Variants in LDAH observed in about 807,000 individuals in gnomAD.
The protein encoded by LDAH is lipid droplet-associated hydrolase.
A neutral mutation model predicts 29.6 loss-of-function variants in LDAH; 26 were observed. That is an observed-to-expected ratio of 0.88 (90% CI 0.64 to 1.22). The LOEUF is 1.22. LDAH is among the 50% of genes most tolerant of loss of function. The pLI is 0.00. For missense variants in LDAH, 344 were observed against 387.3 expected (o/e 0.89, Z 0.94); for synonymous variants, 117 against 133.0 (o/e 0.88, Z 0.83).
At chr2:20,810,241 T>C (rs1469162793) in intron 1 of LDAH, among the ~76,000 whole-genome samples, 1 of 152,208 alleles carries the variant, frequency 6.6e-6, no homozygotes, top group Non-Finnish European at 1.5e-5. Flanking sequence ...TGTTGTCACA[T>C]AGGCTGTTGG....
intron 2 of LDAH, among the ~76,000 whole-genome samples, chr2:20,796,352 G>A (rs1177530090): frequency 1.3e-5 from 2 of 152,158 alleles, no homozygotes; most frequent in Non-Finnish European, 2.9e-5. Flanking sequence ...GTGGGGAAGT[G>A]GGTGGGTTGT....
chr2:20,819,968 T>C (rs1219079609), intron 1 of LDAH, among the ~76,000 whole-genome samples: 1 of 151,910 alleles, frequency 6.6e-6, no homozygotes, highest in East Asian at 1.9e-4. Flanking sequence ...TATACACCAA[T>C]AACAGACAAA....
intron 2 of LDAH, among the ~76,000 whole-genome samples, chr2:20,793,949 C>T (rs902932168): frequency 1.3e-5 from 2 of 152,122 alleles, no homozygotes; most frequent in African/African-American, 4.8e-5. Flanking sequence ...AAGAAAAATG[C>T]CCAGTGTATA....
chr2:20,796,703 C>A (rs1219704929), intron 2 of LDAH, among the ~76,000 whole-genome samples: 1 of 152,168 alleles, frequency 6.6e-6, no homozygotes, highest in Admixed American at 6.5e-5. Context: ...TGCCCAACCC[C>A]CAGACTTTCT....
rs1473439066 is a variant in LDAH, at chr2:20,783,455, C to T, written c.298+6800G>A. 2.6e-5 allele frequency among the ~76,000 whole-genome samples: 4 copies of T among 152,194 alleles called. No individual in the cohort carries two copies. The East Asian group carries it at 5.8e-4, about 22-fold the overall frequency. On this transcript the variant is annotated intron_variant, in intron 3 of 6. Transcript: ENST00000237822. ...TGCAGTCTATCAGTTTTGCCTCCTG[C>T]ATTCTGACCTTTGTTGTTAGGTACA...
intron 5 of LDAH, among the ~76,000 whole-genome samples, chr2:20,724,365 C>T (rs1280426496): frequency 6.6e-6 from 1 of 152,120 alleles, no homozygotes; most frequent in African/African-American, 2.4e-5. Context: ...CTGTAAGTAA[C>T]TTAAGGGCAG....
intron 5 of LDAH, among the ~76,000 whole-genome samples, chr2:20,720,352 C>T (rs1318830228): frequency 1.3e-5 from 2 of 151,938 alleles, no homozygotes; most frequent in South Asian, 2.1e-4. Flanking sequence ...GAAAGCAATC[C>T]TATTTACAAT....
At chr2:20,696,843 G>A (rs1663529121) in intron 6 of LDAH, among the ~76,000 whole-genome samples, 2 of 152,112 alleles carry the variant, frequency 1.3e-5, no homozygotes, top group Non-Finnish European at 2.9e-5. Flanking sequence ...CTCTTCCCTT[G>A]GTTTATTTCA....
intron 3 of LDAH, among the ~76,000 whole-genome samples, chr2:20,779,811 A>C (rs1670062419): frequency 6.6e-6 from 1 of 152,212 alleles, no homozygotes; most frequent in African/African-American, 2.4e-5. Flanking sequence ...AAAAAAAAGA[A>C]TGCATTGACA....
chr2:20,792,756 C>A (rs190377959), intron 2 of LDAH, among the ~76,000 whole-genome samples: 1 of 151,866 alleles, frequency 6.6e-6, no homozygotes, highest in African/African-American at 2.4e-5. Flanking sequence ...TACAATGACA[C>A]GATATATGAA....
At chr2:20,683,579 G>C (rs1023874187), downstream of LDAH, among the ~76,000 whole-genome samples, 3 of 152,220 alleles carry the variant, frequency 2.0e-5, no homozygotes, top group African/African-American at 7.2e-5. Context: ...GTGCAGGGAG[G>C]CCTGAATGGG....
Position 20,801,443 on chromosome 2 carries a change from TTC to T in LDAH, c.19_20del (p.Glu7ArgfsTer6), listed in dbSNP as rs1385836168. The T allele has an allele frequency of 6.2e-7, 1 of 1,614,102 alleles. No homozygotes were observed. Among genetic ancestry groups the T allele is most frequent in the Non-Finnish European group, 8.5e-7 (1 of 1,179,942 alleles). ...TGAATTCCTCATGCACAGGAATTTC[TTC>T]CTTGAGTTCTGAGTCCATTTCTAAA... MDSELKEEIPVHEEFIL... is the reference protein window; with the variant it reads MDSELKXEIPVHEEFIL... On this transcript the variant is annotated frameshift_variant, in exon 2 of 7. Coordinates refer to ENST00000237822, the MANE Select transcript of LDAH (RefSeq NM_021925.4). LOFTEE classifies it high-confidence loss of function.
intron 5 of LDAH, among the ~76,000 whole-genome samples, chr2:20,705,874 T>C (rs751303257): frequency 8.5e-5 from 13 of 152,224 alleles, no homozygotes; most frequent in African/African-American, 2.4e-4. Flanking sequence ...ATACCGCATA[T>C]GAAATTTAAA....
At chr2:20,778,412 T>G (rs1221831577) in intron 3 of LDAH, among the ~76,000 whole-genome samples, 1 of 152,090 alleles carries the variant, frequency 6.6e-6, no homozygotes, top group African/African-American at 2.4e-5. Flanking sequence ...TCGTTCAAAT[T>G]TGCTGCTCCA....
chr2:20,692,066 G>A (rs1663076324), intron 6 of LDAH, among the ~76,000 whole-genome samples: 1 of 152,150 alleles, frequency 6.6e-6, no homozygotes, highest in African/African-American at 2.4e-5. Context: ...AATTGCTGAA[G>A]CTGATAGATT....
At chr2:20,715,523 C>G (rs1419186715) in intron 5 of LDAH, among the ~76,000 whole-genome samples, 1 of 152,146 alleles carries the variant, frequency 6.6e-6, no homozygotes, top group Non-Finnish European at 1.5e-5. Context: ...GTTGGAAGTT[C>G]TGGCCAGGGC....
At chr2:20,750,281 C>A (rs777637321) in intron 4 of LDAH, among the ~76,000 whole-genome samples, 3 of 152,194 alleles carry the variant, frequency 2.0e-5, no homozygotes, top group African/African-American at 4.8e-5. Context: ...CTGCCTCAGC[C>A]TCCCAAAGTG....
chr2:20,715,208 A>G (rs550303390), intron 5 of LDAH, among the ~76,000 whole-genome samples: 1 of 152,358 alleles, frequency 6.6e-6, no homozygotes, highest in South Asian at 2.1e-4. Context: ...CATCCCTGGG[A>G]CGCAAGGCTG....
chr2:20,796,849 C>T lies in LDAH; in HGVS notation c.154+4461G>A, dbSNP rs1671337002. On this transcript the variant is annotated intron_variant, in intron 2 of 6. Coordinates refer to ENST00000237822, the MANE Select transcript of LDAH (RefSeq NM_021925.4). ...AGCTGGAAATGATTAGCATTCAAAA[C>T]ATGGTCTCAACTCTCAACAGAAAAA... Among the ~76,000 whole-genome samples the T allele has an allele frequency of 2.0e-5, 3 of 152,286 alleles. No individual in the cohort carries two copies. In the South Asian group the frequency reaches 6.2e-4, roughly 32 times the overall value.
Sources: allele counts gnomAD v4.1 joint callset (sites outside exome capture counted in the v4.1 genomes callset), GRCh38; gene constraint gnomAD v4.1.1; transcripts MANE v1.5; gene names NCBI Gene and HGNC (gene_info 2026-07-23, HGNC 2026-07-21).